TMEM232: variants seen among roughly 807,000 people sequenced by gnomAD.
The protein encoded by TMEM232 is transmembrane protein 232.
A neutral mutation model predicts 78.8 loss-of-function variants in TMEM232; 80 were observed. That is an observed-to-expected ratio of 1.01 (90% CI 0.85 to 1.22). The LOEUF is 1.22. TMEM232 is among the 50% of genes most tolerant of loss of function. The probability of loss-of-function intolerance (pLI) is 0.00; values close to 1 mark genes in which losing one functional copy is unlikely to be tolerated. For synonymous variants in TMEM232, 297 were observed against 254.3 expected (o/e 1.17, Z -1.60); for missense variants, 881 against 742.2 (o/e 1.19, Z -2.17).
intron 2 of TMEM232, among the ~76,000 whole-genome samples, chr5:110,399,410 C>CA (rs1161146369): frequency 6.6e-6 from 1 of 152,024 alleles, no homozygotes; most frequent in Non-Finnish European, 1.5e-5. Flanking sequence ...TTTTTTTAAA[C>CA]AAAAACTTTT....
chr5:110,666,833 A>C (rs1790658278), intron 2 of TMEM232: 2 of 161,206 alleles, frequency 1.2e-5, no homozygotes, highest in Non-Finnish European at 2.7e-5. Flanking sequence ...TTGCTCTTGC[A>C]CTCATTGTAG....
chr5:110,537,322 A>G (rs1476060792), intron 11 of TMEM232, among the ~76,000 whole-genome samples: 10 of 151,784 alleles, frequency 6.6e-5, no homozygotes, highest in African/African-American at 2.4e-4. Flanking sequence ...TGTTTGGCCC[A>G]ATTATGAGCT....
intron 12 of TMEM232, among the ~76,000 whole-genome samples, chr5:110,460,574 T>C (rs1761407279): frequency 6.6e-6 from 1 of 152,134 alleles, no homozygotes. Flanking sequence ...CCTTTAAGTA[T>C]AATTTGCCAC....
intron 10 of TMEM232, among the ~76,000 whole-genome samples, chr5:110,591,988 T>C (rs1779599719): frequency 6.6e-6 from 1 of 152,142 alleles, no homozygotes; most frequent in South Asian, 2.1e-4. Context: ...TGGGCTTTAT[T>C]ACTAATGATC....
intron 2 of TMEM232, among the ~76,000 whole-genome samples, chr5:110,660,200 T>A (rs1036625859): frequency 6.6e-6 from 1 of 151,906 alleles, no homozygotes; most frequent in Non-Finnish European, 1.5e-5. Flanking sequence ...CAAAATAATC[T>A]TAAATAAATG....
chr5:110,583,212 C>G (rs967558364), intron 10 of TMEM232, among the ~76,000 whole-genome samples: 2 of 151,858 alleles, frequency 1.3e-5, no homozygotes, highest in East Asian at 3.9e-4. Flanking sequence ...TGAAAAAGAA[C>G]AAAGTCAAAG....
chr5:110,651,695 G>T (rs903540227), intron 2 of TMEM232, among the ~76,000 whole-genome samples: 3 of 152,056 alleles, frequency 2.0e-5, no homozygotes, highest in Admixed American at 2.0e-4. Context: ...GGGGGTGAGA[G>T]CAGAAACAGG....
intron 12 of TMEM232, among the ~76,000 whole-genome samples, chr5:110,475,297 G>A (rs915805002): frequency 2.6e-5 from 4 of 151,860 alleles, no homozygotes; most frequent in Non-Finnish European, 1.5e-5. Context: ...AGTAACTGAG[G>A]CTGGATGCAC....
At chr5:110,631,265 AC>A (rs1195394057) in intron 5 of TMEM232, among the ~76,000 whole-genome samples, 1 of 152,120 alleles carries the variant, frequency 6.6e-6, no homozygotes, top group African/African-American at 2.4e-5. Flanking sequence ...CAAGGCACAC[AC>A]TTTCCAGAGC....
chr5:110,482,620 AATG>A (rs1379252214), intron 12 of TMEM232, among the ~76,000 whole-genome samples: 1 of 150,450 alleles, frequency 6.6e-6, no homozygotes, highest in African/African-American at 2.4e-5. Context: ...ATTTTTAATT[AATG>A]ATGAGCTTAC....
intron 12 of TMEM232, among the ~76,000 whole-genome samples, chr5:110,447,505 C>T (rs959498943): frequency 7.9e-5 from 12 of 152,016 alleles, no homozygotes; most frequent in South Asian, 4.2e-4. Flanking sequence ...TTTCAATACA[C>T]GGCAAGTAGA....
At chr5:110,624,303 T>G (rs1427493751) in intron 7 of TMEM232, among the ~76,000 whole-genome samples, 3 of 151,290 alleles carry the variant, frequency 2.0e-5, no homozygotes, top group African/African-American at 4.9e-5. Context: ...CACATGCTGG[T>G]TTTTTTTTCT....
chr5:110,525,102 T>C (rs1176012465), intron 12 of TMEM232, among the ~76,000 whole-genome samples: 3 of 151,842 alleles, frequency 2.0e-5, no homozygotes, highest in Non-Finnish European at 2.9e-5. Flanking sequence ...AAATACATCT[T>C]TCTCATTCCT....
At chr5:110,670,335 A>G (rs562421985) in intron 1 of TMEM232, among the ~76,000 whole-genome samples, 289 of 152,324 alleles carry the variant, frequency 1.9e-3, no homozygotes, top group Non-Finnish European at 3.4e-3. Context: ...TTATACACCA[A>G]TAACAGACAA....
chr5:110,689,190 C>T (rs770393220), intron 1 of TMEM232, among the ~76,000 whole-genome samples: 5 of 152,052 alleles, frequency 3.3e-5, no homozygotes, highest in Non-Finnish European at 7.4e-5. Context: ...ATTGACAGTA[C>T]CCAGGACCTT....
At chr5:110,639,249 G>A (rs1210808392) in intron 4 of TMEM232, among the ~76,000 whole-genome samples, 1 of 152,094 alleles carries the variant, frequency 6.6e-6, no homozygotes, top group South Asian at 2.1e-4. Flanking sequence ...TACAGAATGA[G>A]GAGCAGACAA....
At chr5:110,666,302 T>C (rs1004158046) in intron 2 of TMEM232, among the ~76,000 whole-genome samples, 1 of 152,212 alleles carries the variant, frequency 6.6e-6, no homozygotes, top group South Asian at 2.1e-4. Flanking sequence ...ATCAATTTAA[T>C]CACTGTATAC....
chr5:110,396,057 G>A (rs988668029), intron 3 of TMEM232, among the ~76,000 whole-genome samples: 1 of 152,274 alleles, frequency 6.6e-6, no homozygotes, highest in East Asian at 1.9e-4. Flanking sequence ...AAGAAAAAAG[G>A]TTTAACTGAC....
chr5:110,678,239 A>C (rs779895447), intron 1 of TMEM232, among the ~76,000 whole-genome samples: 2 of 151,680 alleles, frequency 1.3e-5, no homozygotes, highest in Non-Finnish European at 2.9e-5. Context: ...TAATTTTTGT[A>C]TTTTTAGTAG....
Sources: allele counts gnomAD v4.1 joint callset (sites outside exome capture counted in the v4.1 genomes callset), GRCh38; gene constraint gnomAD v4.1.1; transcripts MANE v1.5; gene names NCBI Gene and HGNC (gene_info 2026-07-23, HGNC 2026-07-21).